Variants in PKHD1 observed in about 807,000 individuals in gnomAD.
The protein encoded by PKHD1 is fibrocystin.
In PKHD1, 291 loss-of-function variants were observed where a neutral mutation model predicts 412.0. That is an observed-to-expected ratio of 0.71 (90% confidence interval 0.64 to 0.78). The LOEUF (loss-of-function observed/expected upper bound fraction) is 0.78, where lower values mean the gene tolerates loss of function less well. Ranked by LOEUF, PKHD1 falls within the 30% of genes least tolerant of loss-of-function variation. The pLI, the probability that PKHD1 is intolerant of heterozygous loss-of-function variation, is 0.00. For synonymous variants in PKHD1, 1,777 were observed against 1,821.5 expected (o/e 0.98, Z 0.62); for missense variants, 4,825 against 4,950.7 (o/e 0.97, Z 0.76).
At chr6:51,807,852 T>C (rs1233843098) in intron 52 of PKHD1, among the ~76,000 whole-genome samples, 1 of 151,954 alleles carries the variant, frequency 6.6e-6, no homozygotes, top group Non-Finnish European at 1.5e-5. Flanking sequence ...TTACATGAAA[T>C]GTCTAGAGTA....
At chr6:51,903,240 A>G (rs1781548246) in intron 43 of PKHD1, among the ~76,000 whole-genome samples, 1 of 152,218 alleles carries the variant, frequency 6.6e-6, no homozygotes, top group African/African-American at 2.4e-5. Context: ...TGATACTAAT[A>G]TGCAGCAAGT....
At chr6:51,936,427 C>T (rs1787492467) in intron 36 of PKHD1, among the ~76,000 whole-genome samples, 1 of 152,138 alleles carries the variant, frequency 6.6e-6, no homozygotes, top group South Asian at 2.1e-4. Context: ...GGCAAAGACT[C>T]TTCATCTGCT....
intron 52 of PKHD1, among the ~76,000 whole-genome samples, chr6:51,830,643 C>T (rs1768076860): frequency 6.6e-6 from 1 of 152,150 alleles, no homozygotes; most frequent in Non-Finnish European, 1.5e-5. Context: ...ACTTATTCCA[C>T]TTTTAATGAA....
intron 12 of PKHD1, 104 bp from the exon 13 acceptor site, chr6:52,065,154 T>TAGAGAG (rs1439203692): frequency 1.3e-5 from 1 of 77,114 alleles, no homozygotes; most frequent in South Asian, 3.8e-4. Flanking sequence ...TATATATATA[T>TAGAGAG]ATATATATAT....
chr6:51,984,268 C>T (rs1367797151), intron 35 of PKHD1, among the ~76,000 whole-genome samples: 2 of 152,190 alleles, frequency 1.3e-5, no homozygotes, highest in Non-Finnish European at 2.9e-5. Flanking sequence ...TTCTTCTTAG[C>T]TAAAATCCTG....
At chr6:51,806,693 G>GA (rs1763837522) in intron 52 of PKHD1, among the ~76,000 whole-genome samples, 1 of 99,996 alleles carries the variant, frequency 1.0e-5, no homozygotes, top group African/African-American at 3.3e-5. Flanking sequence ...AAATAGATGA[G>GA]GGTTTTTTTT....
At chr6:51,984,323 C>G (rs1383859373) in intron 35 of PKHD1, among the ~76,000 whole-genome samples, 8 of 152,090 alleles carry the variant, frequency 5.3e-5, no homozygotes, top group Non-Finnish European at 8.8e-5. Flanking sequence ...AGTAGTTTCC[C>G]CAAGAGAAAG....
chr6:52,071,983 C>T, intron 8 of PKHD1, 132 bp downstream of exon 8: 1 of 701,650 alleles, frequency 1.4e-6, no homozygotes, highest in South Asian at 1.6e-5. Flanking sequence ...TAGTAAATAG[C>T]TATGTGTGAT....
intron 52 of PKHD1, among the ~76,000 whole-genome samples, chr6:51,809,332 G>C (rs971145099): frequency 6.6e-6 from 1 of 151,904 alleles, no homozygotes; most frequent in African/African-American, 2.4e-5. Flanking sequence ...CCACTGTTTT[G>C]AAATGCCATC....
intron 35 of PKHD1, among the ~76,000 whole-genome samples, chr6:51,974,552 G>C (rs561239717): frequency 1.3e-5 from 2 of 152,166 alleles, no homozygotes; most frequent in African/African-American, 4.8e-5. Context: ...AATAAATGAA[G>C]CTTAACCTGG....
At chr6:51,794,001 G>T (rs1794171035) in intron 52 of PKHD1, among the ~76,000 whole-genome samples, 1 of 151,068 alleles carries the variant, frequency 6.6e-6, no homozygotes, top group South Asian at 2.1e-4. Context: ...TAGTGTAAAA[G>T]CATTCCTTTT....
chr6:51,959,825 T>C, intron 36 of PKHD1, 45 bp downstream of exon 36: 2 of 1,534,082 alleles, frequency 1.3e-6, no homozygotes, highest in Non-Finnish European at 1.8e-6. Flanking sequence ...CTACAAGTGA[T>C]ATAATCATAT....
intron 55 of PKHD1, among the ~76,000 whole-genome samples, chr6:51,765,941 C>A (rs1788918295): frequency 6.6e-6 from 1 of 152,108 alleles, no homozygotes; most frequent in Non-Finnish European, 1.5e-5. Flanking sequence ...TCTTTCAGAT[C>A]CCACCTCTGA....
At chr6:51,864,819 T>C (rs1774785154) in intron 48 of PKHD1, among the ~76,000 whole-genome samples, 1 of 152,154 alleles carries the variant, frequency 6.6e-6, no homozygotes, top group Non-Finnish European at 1.5e-5. Context: ...CTTATCTATA[T>C]GGTGGGTAAT....
Position 51,912,460 on chromosome 6 carries a change from T to C in PKHD1, c.6238A>G (p.Ser2080Gly), listed in dbSNP as rs528966196. 3.7e-5 allele frequency: 59 copies of C among 1,612,984 alleles called. No individual in the cohort carries two copies. The highest frequency in any genetic ancestry group is 1.2e-4 in the Admixed American group (7 of 59,952). Residue 2080 changes from serine to glycine, a missense_variant, in exon 38 of 67, where the codon AGT becomes GGT. Ser to Gly is a moderately conservative substitution (Grantham distance 56, BLOSUM62 0). Transcript: ENST00000371117. ...WNPGDEVVII[S>G]GTGVKGAKPM... ...TTGGCACCTTTAACACCTGTTCCACTGATGATGACAACTTCATCCCCAGGG... is the reference window on the plus strand; with the variant it reads ...TTGGCACCTTTAACACCTGTTCCACCGATGATGACAACTTCATCCCCAGGG...
At chr6:51,969,458 T>G (rs1270228015) in intron 35 of PKHD1, among the ~76,000 whole-genome samples, 6 of 152,200 alleles carry the variant, frequency 3.9e-5, no homozygotes, top group Non-Finnish European at 8.8e-5. Context: ...GTTACATGGA[T>G]AGATTGCATA....
At chr6:52,077,507 G>T (rs1267310933) in intron 5 of PKHD1, among the ~76,000 whole-genome samples, 2 of 152,196 alleles carry the variant, frequency 1.3e-5, no homozygotes, top group Non-Finnish European at 2.9e-5. Flanking sequence ...AAATTGTTTT[G>T]TTTGGTCTGC....
At chr6:51,989,927 GGAAGGAAA>G (rs1796747914) in intron 35 of PKHD1, among the ~76,000 whole-genome samples, 1 of 104,626 alleles carries the variant, frequency 9.6e-6, no homozygotes, top group African/African-American at 3.8e-5. Context: ...AAGGAAGGAA[GGAAGGAAA>G]GAAGGAAGGA....
In PKHD1 at chr6:52,025,553, C is replaced by T. The variant is rs577832997; in HGVS notation, c.4257G>A (p.Arg1419=). Reference sequence around the variant, plus strand: ...GACCCGAGAGGTCAACCCGAACTGACCTCCTTCTAGAGTTAAGAAGCAACC... The same window carrying T: ...GACCCGAGAGGTCAACCCGAACTGATCTCCTTCTAGAGTTAAGAAGCAACC... ...VRGLLLNSRR[R]SVRVDLSGPF... is the part of the protein sequence containing the mutation. Residue 1419 remains arginine (R), a synonymous_variant, in exon 32 of 67, where the codon AGG becomes AGA. Coordinates refer to ENST00000371117, the MANE Select transcript of PKHD1 (RefSeq NM_138694.4). 4.3e-6 allele frequency: 7 copies of T among 1,614,198 alleles called. No homozygotes were observed. The South Asian group carries it at 7.7e-5, about 18-fold the overall frequency.
Sources: allele counts gnomAD v4.1 joint callset (sites outside exome capture counted in the v4.1 genomes callset), GRCh38; gene constraint gnomAD v4.1.1; transcripts MANE v1.5; gene names NCBI Gene and HGNC (gene_info 2026-07-23, HGNC 2026-07-21).